Variants in SCN8A observed in about 807,000 individuals in gnomAD.
SCN8A encodes sodium channel protein type 8 subunit alpha.
SCN8A carries 30 observed loss-of-function variants against 184.1 expected under a neutral mutation model. That is an observed-to-expected ratio of 0.16 (90% confidence interval 0.12 to 0.22). The LOEUF (loss-of-function observed/expected upper bound fraction) is 0.22. Among genes scored for constraint, SCN8A ranks in the 10% least tolerant of loss-of-function variants. The pLI, the probability that SCN8A is intolerant of heterozygous loss-of-function variation, is 1.00. For synonymous variants in SCN8A, 852 were observed against 907.0 expected (o/e 0.94, Z 1.09); for missense variants, 1,057 against 2,498.9 (o/e 0.42, Z 12.30).
At chr12:51,680,518 C>T (rs1941311911) in intron 2 of SCN8A, among the ~76,000 whole-genome samples, 1 of 152,054 alleles carries the variant, frequency 6.6e-6, no homozygotes. Context: ...TCTCCTTTTC[C>T]CTCACCTAAA....
chr12:51,614,763 G>A (rs1231660030), intron 1 of SCN8A, among the ~76,000 whole-genome samples: 1 of 146,972 alleles, frequency 6.8e-6, no homozygotes, highest in African/African-American at 2.5e-5. Context: ...TGGGTTTCTG[G>A]TAGATAGCAT....
chr12:51,802,510 C>T (rs1938584303), intron 26 of SCN8A, among the ~76,000 whole-genome samples: 2 of 152,230 alleles, frequency 1.3e-5, no homozygotes, highest in African/African-American at 4.8e-5. Flanking sequence ...TCCTTGCAGG[C>T]CAGCCACTTG....
At chr12:51,663,929 A>G (rs4761993) in intron 2 of SCN8A, among the ~76,000 whole-genome samples, 82,720 of 109,874 alleles carry the variant, frequency 0.75, 31,687 homozygotes, top group East Asian at 0.85. Context: ...TTTTTTTTTG[A>G]GATGGAGTCT....
At chr12:51,647,188 G>GA (rs1399401511) in intron 1 of SCN8A, among the ~76,000 whole-genome samples, 7 of 150,788 alleles carry the variant, frequency 4.6e-5, no homozygotes, top group African/African-American at 9.7e-5. Context: ...TGAATTAAAG[G>GA]AAAAAAAAAT....
At chr12:51,704,778 GC>G (rs1386898652) in intron 9 of SCN8A, among the ~76,000 whole-genome samples, 1 of 150,614 alleles carries the variant, frequency 6.6e-6, no homozygotes, top group East Asian at 2.0e-4. Context: ...CTCAAGACCA[GC>G]CTGGCCAACA....
At chr12:51,773,227 G>A (rs1942956662) in intron 19 of SCN8A, among the ~76,000 whole-genome samples, 2 of 152,148 alleles carry the variant, frequency 1.3e-5, no homozygotes, top group Admixed American at 1.3e-4. Flanking sequence ...TTCAGAGCAA[G>A]CACTTCCCAT....
At chr12:51,680,860 C>T (rs1026036715) in intron 2 of SCN8A, among the ~76,000 whole-genome samples, 4 of 151,986 alleles carry the variant, frequency 2.6e-5, no homozygotes, top group South Asian at 2.1e-4. Context: ...AAAAATTAGC[C>T]GGGCGTGGTG....
chr12:51,671,676 G>A (rs1941134163), intron 2 of SCN8A, among the ~76,000 whole-genome samples: 1 of 152,166 alleles, frequency 6.6e-6, no homozygotes, highest in African/African-American at 2.4e-5. Flanking sequence ...TGCTTTCTTA[G>A]TTAAGGAGAG....
chr12:51,644,457 G>C (rs1047577727), intron 1 of SCN8A, among the ~76,000 whole-genome samples: 1 of 152,244 alleles, frequency 6.6e-6, no homozygotes, highest in African/African-American at 2.4e-5. Flanking sequence ...TGTCTAGCAG[G>C]TAGTTAGTGG....
intron 16 of SCN8A, among the ~76,000 whole-genome samples, chr12:51,768,460 G>A (rs1254533196): frequency 6.6e-6 from 1 of 151,820 alleles, no homozygotes; most frequent in Non-Finnish European, 1.5e-5. Context: ...TTCTGACGTG[G>A]GTCCTCTCAA....
Position 51,729,069 on chromosome 12 carries a change from T to C in SCN8A, c.1998+7161T>C, listed in dbSNP as rs920875031. 6.6e-5 allele frequency among the ~76,000 whole-genome samples: 10 copies of C among 152,330 alleles called. 1 individual carries two copies. The highest frequency in any genetic ancestry group is 1.9e-4 in the African/African-American group (8 of 41,572). ...AGCAAGGTCTAAATAGCGTTTGCTTTTCTCATTTGGTTGATCTTTATTTCC... is the reference window on the plus strand; with the variant it reads ...AGCAAGGTCTAAATAGCGTTTGCTTCTCTCATTTGGTTGATCTTTATTTCC... On this transcript the variant is annotated intron_variant, in intron 12 of 26. Coordinates refer to ENST00000627620, the MANE Select transcript of SCN8A (RefSeq NM_001330260.2).
rs74239983 is a variant in SCN8A at position 51,710,841 on chromosome 12, C to G, written c.1635+4126C>G. 6.9e-3 allele frequency among the ~76,000 whole-genome samples: 1,055 copies of G among 151,920 alleles called. 45 individuals are homozygous for G. In the South Asian group the frequency reaches 0.12, roughly 17 times the overall value. On this transcript the variant is annotated intron_variant, in intron 11 of 26. Coordinates refer to ENST00000627620, the MANE Select transcript of SCN8A (RefSeq NM_001330260.2). ...TCTTTCTGTTATGTTTTATATGTAC[C>G]TCTTTATTTGTTGCTTTTTACTCTA...
intron 1 of SCN8A, among the ~76,000 whole-genome samples, chr12:51,649,007 G>T (rs181991875): frequency 6.6e-6 from 1 of 152,300 alleles, no homozygotes. Flanking sequence ...ACAATTGGGG[G>T]TACAGGTATT....
At chr12:51,762,444 G>A in intron 14 of SCN8A, 59 bp from the exon 15 acceptor site, 2 of 1,480,498 alleles carry the variant, frequency 1.4e-6, no homozygotes, top group East Asian at 2.3e-5. Flanking sequence ...CAAAAATAAT[G>A]ATAAAGGCAT....
intron 1 of SCN8A, among the ~76,000 whole-genome samples, chr12:51,624,943 C>T (rs911096643): frequency 1.3e-5 from 2 of 151,844 alleles, no homozygotes; most frequent in Non-Finnish European, 1.5e-5. Context: ...TTCCTCTACC[C>T]CCTTCAGTGA....
chr12:51,773,560 G>C (rs1942962549), intron 19 of SCN8A, among the ~76,000 whole-genome samples: 1 of 152,220 alleles, frequency 6.6e-6, no homozygotes. Flanking sequence ...CTTCTGGTAG[G>C]AATGTGAAAT....
At chr12:51,805,368 G>A (rs1414755637) in intron 26 of SCN8A, among the ~76,000 whole-genome samples, 2 of 152,010 alleles carry the variant, frequency 1.3e-5, no homozygotes, top group Non-Finnish European at 2.9e-5. Context: ...CGGATTGCTT[G>A]AACCCAGGCA....
intron 1 of SCN8A, among the ~76,000 whole-genome samples, chr12:51,654,477 C>T (rs1940781994): frequency 6.6e-6 from 1 of 152,014 alleles, no homozygotes; most frequent in Non-Finnish European, 1.5e-5. Flanking sequence ...TCTTGGTTCC[C>T]TTGTCAAAAA....
At position 51,694,217 on chromosome 12, in the gene SCN8A, G is replaced by A. The variant is rs1406155932; in HGVS notation, c.706+5121G>A. Among the ~76,000 whole-genome samples the A allele has an allele frequency of 2.6e-5, 4 of 152,338 alleles. No homozygotes were observed. In the East Asian group the frequency reaches 7.7e-4, roughly 29 times the overall value. On this transcript the variant is annotated intron_variant, in intron 6 of 26. Transcript: ENST00000627620. ...CAAAGTGCTGAGATTACAAGTGTGA[G>A]CCACCGTGCCTGGCAAATTAACTTT...
Sources: allele counts gnomAD v4.1 joint callset (sites outside exome capture counted in the v4.1 genomes callset), GRCh38; gene constraint gnomAD v4.1.1; transcripts MANE v1.5; gene names NCBI Gene and HGNC (gene_info 2026-07-23, HGNC 2026-07-21).